LCMT1: variants seen among roughly 807,000 people sequenced by gnomAD.
LCMT1 encodes the protein [Phosphatase 2A protein]-leucine-carboxy methyltransferase 1.
In LCMT1, 32 loss-of-function variants were observed where a neutral mutation model predicts 47.7. That is an observed-to-expected ratio of 0.67 (90% confidence interval 0.51 to 0.90). The LOEUF is 0.90. Ranked by LOEUF, LCMT1 falls within the 40% of genes least tolerant of loss-of-function variation. The pLI is 0.00. For synonymous variants in LCMT1, 152 were observed against 149.7 expected, an observed-to-expected ratio of 1.02 and a Z score of -0.11; for missense variants, 375 against 415.2, an observed-to-expected ratio of 0.90 and a Z score of 0.84.
chr16:25,157,151 TG>T (rs1033781576), intron 5 of LCMT1, among the ~76,000 whole-genome samples: 17 of 86,038 alleles, frequency 2.0e-4, no homozygotes, highest in African/African-American at 6.6e-4. Flanking sequence ...CACCAGCACT[TG>T]TGTGTGTGTG....
intron 5 of LCMT1, among the ~76,000 whole-genome samples, chr16:25,157,754 A>G (rs1334142477): frequency 1.3e-5 from 2 of 152,212 alleles, no homozygotes; most frequent in Non-Finnish European, 2.9e-5. Context: ...GGCTCATTCC[A>G]GCACCTGCCT....
At chr16:25,118,904 C>T (rs1418713363) in intron 1 of LCMT1, among the ~76,000 whole-genome samples, 4 of 151,952 alleles carry the variant, frequency 2.6e-5, no homozygotes, top group Non-Finnish European at 5.9e-5. Flanking sequence ...TGTAAGGACC[C>T]GACTTTTCCT....
intron 1 of LCMT1, among the ~76,000 whole-genome samples, chr16:25,116,758 C>T (rs1198910855): frequency 2.7e-5 from 4 of 150,920 alleles, no homozygotes; most frequent in Admixed American, 6.6e-5. Flanking sequence ...ACCAGTGTCG[C>T]GGTGCATGCC....
chr16:25,131,012 A>G (rs1426707845), intron 2 of LCMT1, among the ~76,000 whole-genome samples: 2 of 152,216 alleles, frequency 1.3e-5, no homozygotes, highest in Non-Finnish European at 2.9e-5. Context: ...GCCTTATTTT[A>G]GTGTTAATGA....
intron 9 of LCMT1, among the ~76,000 whole-genome samples, chr16:25,172,491 A>AT (rs1161980075): frequency 6.6e-6 from 1 of 152,266 alleles, no homozygotes; most frequent in Non-Finnish European, 1.5e-5. Context: ...ACCAACGTGC[A>AT]TCTGTGTACA....
At chr16:25,128,402 G>T in intron 1 of LCMT1, 73 bp from the exon 2 acceptor site, 1 of 1,101,296 alleles carries the variant, frequency 9.1e-7, no homozygotes, top group South Asian at 1.4e-5. Context: ...CTGGTTCCTG[G>T]GAACTTGGCA....
intron 5 of LCMT1, among the ~76,000 whole-genome samples, chr16:25,155,047 A>G (rs1961210855): frequency 6.6e-6 from 1 of 152,198 alleles, no homozygotes; most frequent in Non-Finnish European, 1.5e-5. Flanking sequence ...CAAACCTACA[A>G]GGCTGTTGAC....
chr16:25,135,595 A>T (rs987948490), intron 3 of LCMT1, among the ~76,000 whole-genome samples: 1 of 152,190 alleles, frequency 6.6e-6, no homozygotes, highest in African/African-American at 2.4e-5. Flanking sequence ...AGTGTAGCGA[A>T]AACATTGTCT....
In LCMT1 at chr16:25,178,074, G is replaced by C. The variant is rs754548650; in HGVS notation, c.*51G>C. The C allele has an allele frequency of 1.3e-6, 2 of 1,594,600 alleles. No homozygotes were observed. Among genetic ancestry groups the C allele is most frequent in the East Asian group, 2.2e-5 (1 of 44,708 alleles). On this transcript the variant is annotated 3_prime_UTR_variant, in exon 11 of 11. Coordinates refer to ENST00000399069, the MANE Select transcript of LCMT1 (RefSeq NM_016309.3). ...GAAGCCGAAGCCACTTGCCCTCCTG[G>C]AGGAGACCTGCAAGCTCCCTGAGCG...
intron 5 of LCMT1, chr16:25,158,818 T>C (rs1567324418): frequency 6.6e-6 from 1 of 152,232 alleles, no homozygotes; most frequent in South Asian, 2.1e-4. Context: ...GAAGAGCAAC[T>C]GAATCATGGG....
chr16:25,168,109 C>T lies in LCMT1; in HGVS notation c.691-1003C>T, dbSNP rs534038938. On this transcript the variant is annotated intron_variant, in intron 7 of 10. Coordinates refer to ENST00000399069, the MANE Select transcript of LCMT1 (RefSeq NM_016309.3). Reference sequence around the variant, plus strand: ...TGTCATCCAGGCTGGAGTGCAGTTGCGCAATCTCAGCTCACTGCAGCCTCT... The same window carrying T: ...TGTCATCCAGGCTGGAGTGCAGTTGTGCAATCTCAGCTCACTGCAGCCTCT... 5.3e-5 allele frequency among the ~76,000 whole-genome samples: 8 copies of T among 151,844 alleles called. No homozygotes were observed. In the South Asian group the frequency reaches 1.0e-3, roughly 20 times the overall value.
intron 10 of LCMT1, among the ~76,000 whole-genome samples, chr16:25,175,289 A>C (rs1416986459): frequency 1.3e-5 from 2 of 151,892 alleles, no homozygotes; most frequent in Non-Finnish European, 2.9e-5. Flanking sequence ...GAGCCTGGCT[A>C]ATTTTCTGTA....
intron 7 of LCMT1, among the ~76,000 whole-genome samples, chr16:25,167,630 T>G (rs1961625802): frequency 6.6e-6 from 1 of 152,144 alleles, no homozygotes; most frequent in South Asian, 2.1e-4. Context: ...AATTAGTAGT[T>G]TAAGATGACA....
chr16:25,170,678 C>T (rs773958213), intron 8 of LCMT1, 36 bp from the exon 9 acceptor site: 11 of 1,511,796 alleles, frequency 7.3e-6, no homozygotes, highest in Non-Finnish European at 1.0e-5. Flanking sequence ...CCTGGTAGTT[C>T]TCTAGTTCTC....
At chr16:25,152,722 C>T (rs1443677482) in intron 5 of LCMT1, among the ~76,000 whole-genome samples, 1 of 152,150 alleles carries the variant, frequency 6.6e-6, no homozygotes, top group East Asian at 1.9e-4. Context: ...AGGAGTTGCC[C>T]ATCCTCCAGT....
At position 25,125,838 on chromosome 16, in the gene LCMT1, GTAATAATAATAA is replaced by G. The variant is rs55788453; in HGVS notation, c.114-2613_114-2602del. On this transcript the variant is annotated intron_variant, in intron 1 of 10. Transcript: ENST00000399069. Reference sequence around the variant, plus strand: ...CAAGAGCAAAACTCCATCTCTAATAGTAATAATAATAATAATAATAATAATAATAATAATAGT... The same window carrying G: ...CAAGAGCAAAACTCCATCTCTAATAGTAATAATAATAATAATAATAATAGT... 1,005 of 154,600 alleles carry G rather than the reference GTAATAATAATAA, an allele frequency of 6.5e-3. 6 individuals carry two copies. The highest frequency in any genetic ancestry group is 0.019 in the African/African-American group (755 of 39,344). 9.6% of individuals were successfully genotyped at this position (154,600 alleles called of 1,614,324 possible).
Position 25,178,153 on chromosome 16 carries a change from A to T in LCMT1, c.*130A>T. 1.3e-6 allele frequency: 1 copy of T among 753,064 alleles called. No homozygotes were observed. The highest frequency in any genetic ancestry group is 2.2e-6 in the Non-Finnish European group (1 of 445,394). The allele number at this position is 753,064 out of a possible 1,614,324, so 46.6% of individuals were successfully genotyped here. On this transcript the variant is annotated 3_prime_UTR_variant, in exon 11 of 11. Coordinates refer to ENST00000399069, the MANE Select transcript of LCMT1 (RefSeq NM_016309.3). ...CCCACACTCTTGAGAAGCCTTGGTC[A>T]CTACAGTGGTCGCACATGTTCCTCT...
chr16:25,112,547 C>CAGAGAA (rs1456261808), intron 1 of LCMT1, among the ~76,000 whole-genome samples: 1 of 152,140 alleles, frequency 6.6e-6, no homozygotes, highest in Non-Finnish European at 1.5e-5. Flanking sequence ...AGGTACGTGT[C>CAGAGAA]AGAGAAAGAG....
At chr16:25,149,382 G>T (rs1286999726) in intron 4 of LCMT1, among the ~76,000 whole-genome samples, 2 of 152,094 alleles carry the variant, frequency 1.3e-5, no homozygotes, top group African/African-American at 4.8e-5. Flanking sequence ...CCTGGGATGA[G>T]ACACTCCACC....
Sources: gnomAD v4.1 joint callset for allele counts (sites outside exome capture counted in the v4.1 genomes callset) on GRCh38, gnomAD v4.1.1 for gene constraint, MANE v1.5 for transcripts, NCBI Gene and HGNC (gene_info 2026-07-23, HGNC 2026-07-21) for gene names.